The following RPSA2 variants were observed in gnomAD, a reference collection of about 807,000 sequenced individuals.
RPSA2 encodes the protein small ribosomal subunit protein uS2B.
chr19:23,857,507 TG>T, the RPSA2 span, among the ~76,000 whole-genome samples: 40,280 of 128,088 alleles, frequency 0.31, 7,569 homozygotes, highest in East Asian at 0.45. Flanking sequence ...TTTTTTTTTT[TG>T]AGATGGAGTT....
chr19:23,829,023 T>C, the RPSA2 span, among the ~76,000 whole-genome samples: 1 of 152,134 alleles, frequency 6.6e-6, no homozygotes, highest in African/African-American at 2.4e-5. Context: ...TGTCCTTCTT[T>C]GTTTCTTTGG....
chr19:23,849,280 G>A, the RPSA2 span, among the ~76,000 whole-genome samples: 639 of 152,306 alleles, frequency 4.2e-3, 1 homozygote, highest in African/African-American at 0.015. Flanking sequence ...GGCAATGCCC[G>A]ATGTTCTCCA....
At chr19:23,765,333 T>C in the RPSA2 span, among the ~76,000 whole-genome samples, 1 of 152,110 alleles carries the variant, frequency 6.6e-6, no homozygotes, top group African/African-American at 2.4e-5. Context: ...TAAAGGCACA[T>C]GCATGCGTAT....
the RPSA2 span, among the ~76,000 whole-genome samples, chr19:23,773,378 G>A: frequency 6.6e-6 from 1 of 151,940 alleles, no homozygotes; most frequent in South Asian, 2.1e-4. Flanking sequence ...CCACCTCCTG[G>A]GTTCAAGTGA....
At chr19:23,838,708 T>C in the RPSA2 span, among the ~76,000 whole-genome samples, 1 of 152,158 alleles carries the variant, frequency 6.6e-6, no homozygotes, top group African/African-American at 2.4e-5. Flanking sequence ...ATCTCTTCTA[T>C]GTTTTCTAGC....
the RPSA2 span, among the ~76,000 whole-genome samples, chr19:23,841,696 G>T: frequency 6.6e-6 from 1 of 152,070 alleles, no homozygotes; most frequent in Non-Finnish European, 1.5e-5. Context: ...ATAAGCCTGG[G>T]CATGAGCCCT....
the RPSA2 span, chr19:23,832,415 T>C: frequency 2.0e-6 from 1 of 506,078 alleles, no homozygotes; most frequent in South Asian, 1.5e-5. Flanking sequence ...GGCAAAGCAT[T>C]AATTCAATTC....
the RPSA2 span, among the ~76,000 whole-genome samples, chr19:23,821,319 C>T: frequency 1.0e-3 from 158 of 152,278 alleles, no homozygotes; most frequent in Middle Eastern, 3.4e-3. Flanking sequence ...TGCCACCAGG[C>T]GATGCCATGA....
chr19:23,816,725 AT>A, the RPSA2 span, among the ~76,000 whole-genome samples: 1 of 152,328 alleles, frequency 6.6e-6, no homozygotes, highest in South Asian at 2.1e-4. Flanking sequence ...TTACAGTTTC[AT>A]GTGATTGAAG....
the RPSA2 span, among the ~76,000 whole-genome samples, chr19:23,784,407 T>G: frequency 6.6e-6 from 1 of 152,244 alleles, no homozygotes; most frequent in East Asian, 1.9e-4. Flanking sequence ...GAACTTTGAC[T>G]GTCATATGTG....
At chr19:23,827,894 G>A in the RPSA2 span, 1 of 934,272 alleles carries the variant, frequency 1.1e-6, no homozygotes. Flanking sequence ...TCAGCCTGAG[G>A]TTGCAGACTG....
At chr19:23,852,522 C>G in the RPSA2 span, among the ~76,000 whole-genome samples, 1 of 152,154 alleles carries the variant, frequency 6.6e-6, no homozygotes, top group Non-Finnish European at 1.5e-5. Context: ...TTAAGGAAAA[C>G]GAAAGGATGG....
At chr19:23,832,533 A>G in the RPSA2 span, 1 of 719,624 alleles carries the variant, frequency 1.4e-6, no homozygotes, top group Non-Finnish European at 2.1e-6. Flanking sequence ...AAGATAATTC[A>G]TACTGAAAAG....
the RPSA2 span, among the ~76,000 whole-genome samples, chr19:23,831,234 C>T: frequency 2.2e-3 from 336 of 152,060 alleles, 2 homozygotes; most frequent in African/African-American, 7.8e-3. Context: ...GAAATAACAA[C>T]GAATGTGCCA....
At chr19:23,853,314 A>AG in the RPSA2 span, among the ~76,000 whole-genome samples, 2 of 152,262 alleles carry the variant, frequency 1.3e-5, no homozygotes, top group Non-Finnish European at 2.9e-5. Context: ...TTTAATTACA[A>AG]CATTAATGGC....
At chr19:23,826,966 A>G in the RPSA2 span, 5 of 583,790 alleles carry the variant, frequency 8.6e-6, no homozygotes, top group African/African-American at 7.4e-5. Context: ...CTGGGATTAC[A>G]GGTGTGAACC....
At chr19:23,808,272 A>AATTTTT in the RPSA2 span, among the ~76,000 whole-genome samples, 24 of 126,936 alleles carry the variant, frequency 1.9e-4, 6 homozygotes, top group South Asian at 2.5e-4. Flanking sequence ...TACAAAATTA[A>AATTTTT]TTTTTTTTTT....
the RPSA2 span, among the ~76,000 whole-genome samples, chr19:23,865,460 G>T: frequency 1.3e-5 from 2 of 152,090 alleles, no homozygotes; most frequent in Non-Finnish European, 2.9e-5. Flanking sequence ...AGACCCTTCT[G>T]TTTTTTCTGC....
chr19:23,806,084 G>A, the RPSA2 span, among the ~76,000 whole-genome samples: 21 of 129,176 alleles, frequency 1.6e-4, no homozygotes, highest in Non-Finnish European at 2.6e-4. Context: ...TCACTCTGTC[G>A]TCCCCGCTGG....
Sources: allele counts gnomAD v4.1 joint callset (sites outside exome capture counted in the v4.1 genomes callset), GRCh38; gene constraint gnomAD v4.1.1; transcripts MANE v1.5; gene names NCBI Gene and HGNC (gene_info 2026-07-23, HGNC 2026-07-21).